The following RBMS1 variants were observed in gnomAD, a reference collection of about 807,000 sequenced individuals.
RBMS1 encodes RNA-binding motif, single-stranded-interacting protein 1.
RBMS1 carries 17 observed loss-of-function variants against 62.3 expected under a neutral mutation model. The observed-to-expected ratio is 0.27, with a 90% CI of 0.19 to 0.41. The LOEUF (loss-of-function observed/expected upper bound fraction) is 0.41, where lower values mean the gene tolerates loss of function less well. Ranked by LOEUF, RBMS1 falls within the 10% of genes least tolerant of loss-of-function variation. The probability of loss-of-function intolerance (pLI) is 1.00; values close to 1 mark genes in which losing one functional copy is unlikely to be tolerated. For synonymous variants in RBMS1, 172 were observed against 170.0 expected, an observed-to-expected ratio of 1.01 and a Z score of -0.09; for missense variants, 334 against 504.5, an observed-to-expected ratio of 0.66 and a Z score of 3.24.
intron 1 of RBMS1, among the ~76,000 whole-genome samples, chr2:160,450,751 G>C (rs2105318546): frequency 6.6e-6 from 1 of 152,172 alleles, no homozygotes; most frequent in South Asian, 2.1e-4. Context: ...GGAAGATAAA[G>C]ATACAGACTG....
At chr2:160,454,248 C>G (rs1056801699) in intron 1 of RBMS1, among the ~76,000 whole-genome samples, 18 of 152,230 alleles carry the variant, frequency 1.2e-4, no homozygotes, top group African/African-American at 4.3e-4. Context: ...AAGGACAACA[C>G]ACCATTTCAA....
chr2:160,352,013 G>GT (rs1167105989), intron 2 of RBMS1, among the ~76,000 whole-genome samples: 2 of 152,084 alleles, frequency 1.3e-5, no homozygotes, highest in Non-Finnish European at 1.5e-5. Flanking sequence ...CCCAGGAGTA[G>GT]TTTTTCCACA....
At chr2:160,395,149 T>C (rs1379433134) in intron 1 of RBMS1, among the ~76,000 whole-genome samples, 1 of 152,242 alleles carries the variant, frequency 6.6e-6, no homozygotes, top group African/African-American at 2.4e-5. Flanking sequence ...GAAGACTTTT[T>C]ACTGCTAATT....
At chr2:160,354,938 G>A (rs982881003) in intron 2 of RBMS1, among the ~76,000 whole-genome samples, 2 of 152,060 alleles carry the variant, frequency 1.3e-5, no homozygotes, top group African/African-American at 2.4e-5. Context: ...CTACTTTCTC[G>A]CTAATTCTAG....
At chr2:160,493,252 C>T (rs773187863) in intron 1 of RBMS1, 37 bp downstream of exon 1, 56 of 1,598,978 alleles carry the variant, frequency 3.5e-5, no homozygotes, top group Middle Eastern at 1.7e-4. Context: ...CCCGGGCCCC[C>T]TCCTCCGGCC....
chr2:160,381,041 C>T (rs1320708395), intron 1 of RBMS1, among the ~76,000 whole-genome samples: 1 of 152,080 alleles, frequency 6.6e-6, no homozygotes, highest in Non-Finnish European at 1.5e-5. Context: ...CCATAAAATC[C>T]TGGAGAGGTT....
At chr2:160,479,018 G>C (rs535245100) in intron 1 of RBMS1, among the ~76,000 whole-genome samples, 1 of 152,232 alleles carries the variant, frequency 6.6e-6, no homozygotes, top group Admixed American at 6.5e-5. Context: ...CTTCAACAGA[G>C]AGAGGTGGTG....
chr2:160,298,093 G>A (rs1039048712), intron 6 of RBMS1, among the ~76,000 whole-genome samples: 2 of 152,182 alleles, frequency 1.3e-5, no homozygotes, highest in African/African-American at 4.8e-5. Flanking sequence ...ATTAAACTAG[G>A]CAGTGGCAGA....
intron 1 of RBMS1, among the ~76,000 whole-genome samples, chr2:160,481,358 T>A (rs1376667707): frequency 1.1e-4 from 14 of 127,056 alleles, no homozygotes; most frequent in South Asian, 2.5e-4. Context: ...GTAGGAAATG[T>A]AAAAAAAAAA....
chr2:160,407,662 G>C (rs1370293077), intron 1 of RBMS1: 1 of 981,842 alleles, frequency 1.0e-6, no homozygotes, highest in Admixed American at 6.3e-5. Flanking sequence ...CCCTCTCGCC[G>C]CGCGGCGGCG....
At chr2:160,432,469 C>G (rs1251946525) in intron 1 of RBMS1, 1 of 152,164 alleles carries the variant, frequency 6.6e-6, no homozygotes, top group Non-Finnish European at 1.5e-5. Flanking sequence ...TTCCCGAATG[C>G]CTTCCAAACT....
intron 1 of RBMS1, among the ~76,000 whole-genome samples, chr2:160,438,834 G>C (rs1214134723): frequency 6.6e-6 from 1 of 152,036 alleles, no homozygotes; most frequent in Admixed American, 6.5e-5. Flanking sequence ...CAGTAGGCGC[G>C]GCCGGGCAGA....
At chr2:160,444,832 A>G (rs1683575371) in intron 1 of RBMS1, among the ~76,000 whole-genome samples, 1 of 152,220 alleles carries the variant, frequency 6.6e-6, no homozygotes, top group South Asian at 2.1e-4. Context: ...TGCACTAAGG[A>G]AGGACACATG....
chr2:160,390,817 T>C (rs11695543), intron 1 of RBMS1, among the ~76,000 whole-genome samples: 24,448 of 151,234 alleles, frequency 0.16, 2,721 homozygotes, highest in Admixed American at 0.31. Flanking sequence ...GACATTGCCA[T>C]AGCCATTAAC....
intron 1 of RBMS1, among the ~76,000 whole-genome samples, chr2:160,472,404 C>A (rs892665265): frequency 6.6e-6 from 1 of 152,124 alleles, no homozygotes; most frequent in Non-Finnish European, 1.5e-5. Context: ...GTGTCATTCC[C>A]TTTTACTGTT....
intron 3 of RBMS1, among the ~76,000 whole-genome samples, chr2:160,316,384 T>C (rs1008889456): frequency 1.3e-5 from 2 of 152,146 alleles, no homozygotes; most frequent in Non-Finnish European, 2.9e-5. Context: ...CCAAAAGCAG[T>C]GTCTCCCAAA....
intron 2 of RBMS1, among the ~76,000 whole-genome samples, chr2:160,327,270 T>C (rs1690987163): frequency 1.3e-5 from 2 of 152,216 alleles, no homozygotes; most frequent in Admixed American, 6.5e-5. Flanking sequence ...TCTCACTAAA[T>C]TGAGAATCAT....
chr2:160,313,275 TA>T lies in RBMS1; in HGVS notation c.311-29del, dbSNP rs766886549. 1.1e-4 allele frequency: 178 copies of T among 1,602,996 alleles called. No individual in the cohort carries two copies. In the African/African-American group the frequency reaches 2.0e-3, roughly 18 times the overall value. ...GAAATGCAAAAACACACTTAGTATTTAAGCCATTATTCTGTGGTTAGGTAAA... is the reference window on the plus strand; with the variant it reads ...GAAATGCAAAAACACACTTAGTATTTAGCCATTATTCTGTGGTTAGGTAAA... On this transcript the variant is annotated intron_variant, in intron 3 of 13. Coordinates refer to ENST00000348849, the MANE Select transcript of RBMS1 (RefSeq NM_016836.4).
At chr2:160,488,617 A>T (rs1293570346) in intron 1 of RBMS1, among the ~76,000 whole-genome samples, 1 of 152,100 alleles carries the variant, frequency 6.6e-6, no homozygotes, top group African/African-American at 2.4e-5. Context: ...AGAACATTTA[A>T]ATTCATCCCA....
Sources: gnomAD v4.1 joint callset for allele counts (sites outside exome capture counted in the v4.1 genomes callset) on GRCh38, gnomAD v4.1.1 for gene constraint, MANE v1.5 for transcripts, NCBI Gene and HGNC (gene_info 2026-07-23, HGNC 2026-07-21) for gene names.